LINGO2: variants seen among roughly 807,000 people sequenced by gnomAD.
LINGO2 encodes leucine rich repeat and Ig domain containing 2.
LINGO2 carries 14 observed loss-of-function variants against 30.6 expected under a neutral mutation model. The observed-to-expected ratio is 0.46, with a 90% confidence interval of 0.30 to 0.72. The LOEUF is 0.72. Ranked by LOEUF, LINGO2 falls within the 30% of genes least tolerant of loss-of-function variation. The pLI is 0.07. For missense variants in LINGO2, 729 were observed against 751.7 expected (o/e 0.97, Z 0.35); for synonymous variants, 317 against 288.5 (o/e 1.10, Z -1.00).
At chr9:28,480,745 T>C (rs1180112701) in intron 1 of LINGO2, among the ~76,000 whole-genome samples, 1 of 152,118 alleles carries the variant, frequency 6.6e-6, no homozygotes, top group African/African-American at 2.4e-5. Flanking sequence ...ATTTTCTTAC[T>C]TTATTTTACT....
intron 4 of LINGO2, among the ~76,000 whole-genome samples, chr9:28,053,571 G>C (rs1456411168): frequency 6.6e-6 from 1 of 152,024 alleles, no homozygotes; most frequent in African/African-American, 2.4e-5. Context: ...GATCAGATAA[G>C]GTTTACAATC....
At chr9:28,880,349 T>A in the LINGO2 span, among the ~76,000 whole-genome samples, 2 of 152,210 alleles carry the variant, frequency 1.3e-5, no homozygotes, top group Non-Finnish European at 2.9e-5. Context: ...CCCAGCCACT[T>A]TGACCCAACC....
chr9:27,955,148 T>TA (rs928742529), intron 5 of LINGO2, among the ~76,000 whole-genome samples: 7 of 152,098 alleles, frequency 4.6e-5, no homozygotes, highest in African/African-American at 1.2e-4. Flanking sequence ...GCATGGCTTT[T>TA]AAAAAAAGGC....
intron 1 of LINGO2, among the ~76,000 whole-genome samples, chr9:28,511,520 G>C (rs778779107): frequency 6.6e-6 from 1 of 152,132 alleles, no homozygotes; most frequent in Non-Finnish European, 1.5e-5. Flanking sequence ...GGGGTGGCTA[G>C]GGAAAAAGGC....
the LINGO2 span, among the ~76,000 whole-genome samples, chr9:29,182,694 T>C: frequency 6.6e-6 from 1 of 152,180 alleles, no homozygotes; most frequent in Admixed American, 6.5e-5. Context: ...GTAGGTTTTT[T>C]TTTTTTTCAT....
rs561466882 is a variant in LINGO2, at chr9:28,422,818, T to A, written c.-278-49950A>T. Among the ~76,000 whole-genome samples the A allele has an allele frequency of 7.4e-4, 113 of 152,168 alleles. 1 individual carries two copies. In the East Asian group the frequency reaches 0.02, roughly 28 times the overall value. ...ACATTAATAAAATTTGGTACACATA[T>A]ACAATGGAGTATTTTTCAGGAAAAA... On this transcript the variant is annotated intron_variant, in intron 2 of 5. Transcript: ENST00000379992.
chr9:28,232,640 T>C (rs1353525651), intron 4 of LINGO2, among the ~76,000 whole-genome samples: 1 of 151,984 alleles, frequency 6.6e-6, no homozygotes, highest in Non-Finnish European at 1.5e-5. Context: ...ACCACTCTCT[T>C]AACAATTTTC....
chr9:27,958,257 T>C (rs1819674722), intron 5 of LINGO2, among the ~76,000 whole-genome samples: 1 of 152,234 alleles, frequency 6.6e-6, no homozygotes, highest in South Asian at 2.1e-4. Flanking sequence ...ACTGATTAAT[T>C]TTTGAAGATT....
the LINGO2 span, among the ~76,000 whole-genome samples, chr9:28,828,248 T>G: frequency 1.3e-5 from 2 of 152,006 alleles, no homozygotes; most frequent in Non-Finnish European, 2.9e-5. Context: ...TCATACCATT[T>G]GGCAATGTGG....
intron 3 of LINGO2, among the ~76,000 whole-genome samples, chr9:28,309,566 A>G (rs1252779288): frequency 6.6e-6 from 1 of 152,104 alleles, no homozygotes; most frequent in Non-Finnish European, 1.5e-5. Context: ...CATGGACCCT[A>G]AAAGTTAAAG....
intron 1 of LINGO2, among the ~76,000 whole-genome samples, chr9:28,544,764 T>C (rs1587832825): frequency 6.7e-6 from 1 of 149,276 alleles, no homozygotes; most frequent in East Asian, 1.9e-4. Flanking sequence ...ATGTTATATA[T>C]TATATTATAT....
chr9:28,903,578 G>T, the LINGO2 span, among the ~76,000 whole-genome samples: 1 of 152,008 alleles, frequency 6.6e-6, no homozygotes, highest in Non-Finnish European at 1.5e-5. Flanking sequence ...TGGGCTCAAG[G>T]AATCCTCCTA....
chr9:28,256,302 C>T (rs1397047765), intron 4 of LINGO2, among the ~76,000 whole-genome samples: 1 of 151,888 alleles, frequency 6.6e-6, no homozygotes, highest in African/African-American at 2.4e-5. Context: ...AATGTTAGTT[C>T]CTTTTTTTCT....
the LINGO2 span, among the ~76,000 whole-genome samples, chr9:29,017,115 T>C: frequency 6.6e-6 from 1 of 152,206 alleles, no homozygotes. Context: ...GTTATTAAAA[T>C]TAATCAGGAT....
intron 4 of LINGO2, among the ~76,000 whole-genome samples, chr9:28,250,057 T>C (rs1340804405): frequency 6.6e-6 from 1 of 152,118 alleles, no homozygotes; most frequent in Non-Finnish European, 1.5e-5. Flanking sequence ...AATGTTTTAT[T>C]ACTGACACCA....
the LINGO2 span, among the ~76,000 whole-genome samples, chr9:29,029,778 C>G: frequency 6.6e-6 from 1 of 152,086 alleles, no homozygotes; most frequent in Admixed American, 6.6e-5. Context: ...AGACTCTCCT[C>G]TCTTTTCGAG....
chr9:29,035,205 G>A, the LINGO2 span, among the ~76,000 whole-genome samples: 1 of 151,966 alleles, frequency 6.6e-6, no homozygotes, highest in African/African-American at 2.4e-5. Flanking sequence ...AAGGTCCTCA[G>A]CGGCCTCATA....
chr9:28,573,957 G>C (rs891327718), intron 1 of LINGO2, among the ~76,000 whole-genome samples: 1 of 152,128 alleles, frequency 6.6e-6, no homozygotes, highest in Non-Finnish European at 1.5e-5. Context: ...GAGGCAGTCA[G>C]CTATAATATC....
intron 4 of LINGO2, among the ~76,000 whole-genome samples, chr9:28,019,432 C>A (rs1360948535): frequency 6.6e-6 from 1 of 151,774 alleles, no homozygotes; most frequent in Non-Finnish European, 1.5e-5. Context: ...AGATTAGAAC[C>A]CTAATCTGGT....
Sources: gnomAD v4.1 joint callset for allele counts (sites outside exome capture counted in the v4.1 genomes callset) on GRCh38, gnomAD v4.1.1 for gene constraint, MANE v1.5 for transcripts, NCBI Gene and HGNC (gene_info 2026-07-23, HGNC 2026-07-21) for gene names.